RGS6: variants seen among roughly 807,000 people sequenced by gnomAD.
RGS6 encodes regulator of G protein signaling 6.
In RGS6, 30 loss-of-function variants were observed where a neutral mutation model predicts 78.5. The observed-to-expected ratio is 0.38, with a 90% CI of 0.29 to 0.52. The LOEUF is 0.52. Ranked by LOEUF, RGS6 falls within the 20% of genes least tolerant of loss-of-function variation. RGS6 has a pLI of 0.85. For missense variants in RGS6, 495 were observed against 609.7 expected (o/e 0.81, Z 1.98); for synonymous variants, 206 against 206.0 (o/e 1.00, Z 0.00).
chr14:72,216,610 C>T (rs2045632859), intron 2 of RGS6, among the ~76,000 whole-genome samples: 1 of 152,166 alleles, frequency 6.6e-6, no homozygotes, highest in African/African-American at 2.4e-5. Flanking sequence ...AATTGCAGGT[C>T]TTACAATTTT....
intron 2 of RGS6, among the ~76,000 whole-genome samples, chr14:72,244,932 C>A (rs960627688): frequency 2.6e-5 from 4 of 151,912 alleles, no homozygotes; most frequent in African/African-American, 9.7e-5. Context: ...TCGAGTGATT[C>A]TCCTGCCTCA....
At chr14:71,994,042 G>A (rs918503783) in intron 2 of RGS6, among the ~76,000 whole-genome samples, 1 of 151,452 alleles carries the variant, frequency 6.6e-6, no homozygotes, top group Admixed American at 6.6e-5. Context: ...GCCAATTCAG[G>A]GTTCTGCAAA....
intron 2 of RGS6, among the ~76,000 whole-genome samples, chr14:72,156,453 CAAAAAAA>C (rs11332387): frequency 6.9e-4 from 53 of 76,768 alleles, no homozygotes; most frequent in Middle Eastern, 6.7e-3. Flanking sequence ...GACTCCATCT[CAAAAAAA>C]AAAAAAAAAA....
chr14:72,000,214 C>T (rs150267868), intron 2 of RGS6, among the ~76,000 whole-genome samples: 2,558 of 152,222 alleles, frequency 0.017, 56 homozygotes, highest in African/African-American at 0.052. Context: ...TTCGCTCAGG[C>T]GGTTGTTGTA....
chr14:72,119,000 T>G (rs1397020491), intron 2 of RGS6, among the ~76,000 whole-genome samples: 1 of 152,206 alleles, frequency 6.6e-6, no homozygotes. Context: ...AGTGCATGTT[T>G]TTTTGGATAG....
intron 2 of RGS6, among the ~76,000 whole-genome samples, chr14:71,969,027 A>T (rs1038509753): frequency 6.6e-6 from 1 of 152,012 alleles, no homozygotes; most frequent in Non-Finnish European, 1.5e-5. Flanking sequence ...TCCTGTGTCC[A>T]AGTGTTCTCA....
At chr14:72,569,655 A>T (rs896167091), downstream of RGS6, among the ~76,000 whole-genome samples, 1 of 149,112 alleles carries the variant, frequency 6.7e-6, no homozygotes, top group African/African-American at 2.4e-5. Context: ...TGGCTGGGCG[A>T]CAGAGTGAGA....
intron 13 of RGS6, among the ~76,000 whole-genome samples, chr14:72,506,505 C>A (rs2096801690): frequency 6.6e-6 from 1 of 152,082 alleles, no homozygotes; most frequent in Admixed American, 6.6e-5. Flanking sequence ...TTTTCTTAAA[C>A]CTTGAAGTGG....
chr14:72,258,690 G>A (rs1224301023), intron 2 of RGS6, among the ~76,000 whole-genome samples: 2 of 152,166 alleles, frequency 1.3e-5, no homozygotes, highest in African/African-American at 2.4e-5. Flanking sequence ...TTATTCATTT[G>A]TCAAATGGGA....
At chr14:71,983,171 G>C (rs1416533620) in intron 2 of RGS6, among the ~76,000 whole-genome samples, 1 of 152,156 alleles carries the variant, frequency 6.6e-6, no homozygotes, top group African/African-American at 2.4e-5. Flanking sequence ...AAGTGGTTGG[G>C]TTAGTGACAC....
At chr14:72,166,565 A>G (rs1307654603) in intron 2 of RGS6, among the ~76,000 whole-genome samples, 1 of 152,196 alleles carries the variant, frequency 6.6e-6, no homozygotes, top group Non-Finnish European at 1.5e-5. Context: ...CAGGTGTACT[A>G]CTGAGGTCTG....
At chr14:72,150,056 G>T (rs948715574) in intron 2 of RGS6, among the ~76,000 whole-genome samples, 1 of 152,120 alleles carries the variant, frequency 6.6e-6, no homozygotes, top group Admixed American at 6.5e-5. Flanking sequence ...ACGTCTACCT[G>T]GAACCTCAGA....
intron 3 of RGS6, among the ~76,000 whole-genome samples, chr14:72,377,054 G>T (rs10873250): frequency 1 from 152,244 of 152,346 alleles, 76,071 homozygotes; most frequent in Middle Eastern, 1. Flanking sequence ...AGTCCTCACC[G>T]ATCAATAATA....
At chr14:72,406,971 C>G (rs140120782) in intron 3 of RGS6, among the ~76,000 whole-genome samples, 1 of 152,312 alleles carries the variant, frequency 6.6e-6, no homozygotes, top group Non-Finnish European at 1.5e-5. Context: ...AACATTAACT[C>G]AGACTTTATG....
At chr14:72,613,038 G>A in the RGS6 span, among the ~76,000 whole-genome samples, 13 of 147,368 alleles carry the variant, frequency 8.8e-5, no homozygotes, top group South Asian at 1.3e-3. Flanking sequence ...GTGTATGTGC[G>A]TGCGTGCACG....
At chr14:72,549,206 T>A (rs1200790660) in intron 17 of RGS6, among the ~76,000 whole-genome samples, 1 of 151,968 alleles carries the variant, frequency 6.6e-6, no homozygotes, top group Non-Finnish European at 1.5e-5. Flanking sequence ...GTGGAATTAC[T>A]GCCCTTCACA....
chr14:72,417,816 C>T (rs2093931139), intron 3 of RGS6, among the ~76,000 whole-genome samples: 1 of 152,194 alleles, frequency 6.6e-6, no homozygotes, highest in Admixed American at 6.5e-5. Flanking sequence ...GCTGTTAATT[C>T]TTCTTTGCCC....
chr14:71,987,439 A>G (rs980887108), intron 2 of RGS6, among the ~76,000 whole-genome samples: 1 of 152,228 alleles, frequency 6.6e-6, no homozygotes, highest in Non-Finnish European at 1.5e-5. Context: ...AAGCAGATAC[A>G]TTCAAAATGA....
chr14:72,337,344 C>A (rs2076223060), intron 2 of RGS6, among the ~76,000 whole-genome samples: 1 of 151,758 alleles, frequency 6.6e-6, no homozygotes, highest in Non-Finnish European at 1.5e-5. Flanking sequence ...TCCGTGTTTC[C>A]AATGCAGTGG....
Sources: allele counts gnomAD v4.1 joint callset (sites outside exome capture counted in the v4.1 genomes callset), GRCh38; gene constraint gnomAD v4.1.1; transcripts MANE v1.5; gene names NCBI Gene and HGNC (gene_info 2026-07-23, HGNC 2026-07-21).